Variants in INF2 observed in about 807,000 individuals in gnomAD.
INF2 encodes inverted formin-2.
Under a neutral mutation model 123.5 loss-of-function variants are expected in INF2, and 43 were observed. The observed-to-expected ratio is 0.35, with a 90% CI of 0.27 to 0.45. The LOEUF (loss-of-function observed/expected upper bound fraction) is 0.45, where lower values mean the gene tolerates loss of function less well. Among genes scored for constraint, INF2 ranks in the 20% least tolerant of loss-of-function variants. The pLI, the probability that INF2 is intolerant of heterozygous loss-of-function variation, is 1.00. For missense variants in INF2, 1,453 were observed against 1,682.7 expected, an observed-to-expected ratio of 0.86 and a Z score of 2.39; for synonymous variants, 851 against 745.0, an observed-to-expected ratio of 1.14 and a Z score of -2.32.
rs370101076 is a variant in INF2, at chr14:104,715,225, G to A, written c.3695-59G>A. 5.5e-5 allele frequency: 85 copies of A among 1,554,062 alleles called. 1 individual carries two copies. Among genetic ancestry groups the A allele is most frequent in the Middle Eastern group, 5.3e-4 (3 of 5,668 alleles). ...CGGGCCCCCCAGCCCCACCCACTCC[G>A]AGTCAGGGTTGCTTCTGTGTGATAA... On this transcript the variant is annotated intron_variant, in intron 21 of 22. Transcript: ENST00000392634.
At chr14:104,710,302 C>T (rs763177311) in intron 13 of INF2, 114 bp downstream of exon 13, 1 of 740,392 alleles carries the variant, frequency 1.4e-6, no homozygotes, top group Non-Finnish European at 2.3e-6. Context: ...CTAAGAGCAC[C>T]TAAGGGTGCC....
chr14:104,710,229 G>T, intron 13 of INF2, 41 bp downstream of exon 13: 1 of 1,440,772 alleles, frequency 6.9e-7, no homozygotes. Context: ...GGAGGGACAG[G>T]CCTCCGAACC....
At chr14:104,701,030 G>A (rs1241138865) in intron 1 of INF2, among the ~76,000 whole-genome samples, 1 of 152,108 alleles carries the variant, frequency 6.6e-6, no homozygotes, top group East Asian at 1.9e-4. Flanking sequence ...ATCCGGTCCC[G>A]TCACTCTGCA....
At position 104,712,999 on chromosome 14, in the gene INF2, C is replaced by T. The variant is rs1346595202; in HGVS notation, c.2775+7C>T. 1.2e-6 allele frequency: 2 copies of T among 1,612,058 alleles called. No homozygotes were observed. Among genetic ancestry groups the T allele is most frequent in the African/African-American group, 2.7e-5 (2 of 74,928 alleles). On this transcript the variant is annotated splice_region_variant and intron_variant, in intron 18 of 22. Transcript: ENST00000392634. ...TTTCCTCCGCGCCCTGAAGGTGGGG[C>T]AGCCCGGCGGGACACAGCCTGTCTG...
intron 22 of INF2, 27 bp from the exon 23 acceptor site, chr14:104,718,768 T>A: frequency 6.2e-7 from 1 of 1,612,358 alleles, no homozygotes; most frequent in Non-Finnish European, 8.5e-7. Context: ...CTGCTCCTAA[T>A]AATGTCATTT....
In INF2 at chr14:104,718,255, C is replaced by T. The variant is rs562934838; in HGVS notation, c.*2-540C>T. Among the ~76,000 whole-genome samples, 52 of 152,308 alleles carry T rather than the reference C, an allele frequency of 3.4e-4. 1 individual carries two copies. The highest frequency in any genetic ancestry group is 1.2e-3 in the African/African-American group (49 of 41,560). ...GGGGTGACACTCAGACAAGGGCCAT[C>T]GAGGGCCCCTGGACCAGAAAGCGAA... On this transcript the variant is annotated intron_variant, in intron 22 of 22. Coordinates refer to ENST00000392634, the MANE Select transcript of INF2 (RefSeq NM_022489.4).
intron 1 of INF2, among the ~76,000 whole-genome samples, chr14:104,682,381 T>A (rs1307692090): frequency 1.3e-5 from 2 of 152,016 alleles, no homozygotes; most frequent in Non-Finnish European, 2.9e-5. Flanking sequence ...TTCCTTTCCA[T>A]GAAAAAAGCA....
In INF2 at chr14:104,719,159, C is replaced by T. The variant is rs908295090; in HGVS notation, c.*366C>T. 45 of 343,198 alleles carry T rather than the reference C, an allele frequency of 1.3e-4. No individual in the cohort carries two copies. The highest frequency in any genetic ancestry group is 1.9e-4 in the Non-Finnish European group (36 of 189,504). The allele number at this position is 343,198 out of a possible 1,614,324, so 21.3% of individuals were successfully genotyped here. ...CCACAGCTCTGCCTGCCCTTCAGCC[C>T]AGCAAGGTTTAATCAAAATGCAATG... On this transcript the variant is annotated 3_prime_UTR_variant, in exon 23 of 23. Coordinates refer to ENST00000392634, the MANE Select transcript of INF2 (RefSeq NM_022489.4).
In INF2 at chr14:104,710,131, G is replaced by T. The variant is rs1889975408; in HGVS notation, c.2182G>T (p.Ala728Ser). The T allele has an allele frequency of 2.6e-6, 4 of 1,553,194 alleles. No homozygotes were observed. The highest frequency in any genetic ancestry group is 3.5e-6 in the Non-Finnish European group (4 of 1,148,994). Reference protein sequence around the residue: ...IECMLLCEGAAAVLDMVRPKA... With the variant: ...IECMLLCEGASAVLDMVRPKA... Reference sequence around the variant, plus strand: ...GTGCATGCTGCTGTGTGAGGGCGCGGCCGCCGTGCTGGACATGGTGCGGCC... The same window carrying T: ...GTGCATGCTGCTGTGTGAGGGCGCGTCCGCCGTGCTGGACATGGTGCGGCC... The change falls in exon 13 of 23, where the codon GCC becomes TCC. Residue 728 changes from alanine to serine, a missense_variant. By Grantham distance (99) the Ala-to-Ser change is moderately conservative. Transcript: ENST00000392634.
chr14:104,701,683 C>T lies in INF2; in HGVS notation c.318C>T (p.Arg106=). ...AGCTCACCTGCGTCAGCTGCGTGCGCGCCGTCATGAACTCGCGGCAGGGCA... is the reference window on the plus strand; with the variant it reads ...AGCTCACCTGCGTCAGCTGCGTGCGTGCCGTCATGAACTCGCGGCAGGGCA... ...LLQLTCVSCV[R]AVMNSRQGIE... is the part of the protein sequence containing the mutation. Residue 106 remains arginine (R), a synonymous_variant, in exon 2 of 23, where the codon CGC becomes CGT. Transcript: ENST00000392634. 6.3e-7 allele frequency: 1 copy of T among 1,577,390 alleles called. No homozygotes were observed. Among genetic ancestry groups the T allele is most frequent in the Non-Finnish European group, 8.6e-7 (1 of 1,162,802 alleles).
At chr14:104,703,611 C>G (rs1889636547) in intron 4 of INF2, among the ~76,000 whole-genome samples, 157 bp downstream of exon 4, 1 of 152,248 alleles carries the variant, frequency 6.6e-6, no homozygotes, top group Admixed American at 6.5e-5. Flanking sequence ...ACCACCTGCC[C>G]CTTCAATGGA....
rs151294838 is a variant in INF2 at position 104,699,817 on chromosome 14, C to G, written c.-9-1540C>G. Among the ~76,000 whole-genome samples the G allele has an allele frequency of 7.9e-5, 12 of 152,294 alleles. 1 individual carries two copies. The highest frequency in any genetic ancestry group is 3.4e-3 in the Middle Eastern group (1 of 294). On this transcript the variant is annotated intron_variant, in intron 1 of 22. Coordinates refer to ENST00000392634, the MANE Select transcript of INF2 (RefSeq NM_022489.4). The surrounding 1 kb of genome is among the most constrained non-coding windows in gnomAD (Gnocchi z 4.7). The stretch of plus-strand genomic sequence containing the variant: ...ACTGAGGCCCAGGCAGGATGAGTGA[C>G]TGGGCCAAGGTCTGCTGGTGAGGGC...
Position 104,712,829 on chromosome 14 carries a change from C to T in INF2, c.2612C>T (p.Ala871Val), listed in dbSNP as rs776656133. The T allele has an allele frequency of 1.9e-6, 3 of 1,608,664 alleles. No individual in the cohort carries two copies. Among genetic ancestry groups the T allele is most frequent in the Non-Finnish European group, 1.7e-6 (2 of 1,177,080 alleles). Residue 871 changes from alanine to valine, a missense_variant and splice_region_variant, in exon 18 of 23, where the codon GCC becomes GTC. By Grantham distance (64) the Ala-to-Val change is moderately conservative. This residue lies in a region of INF2 where 212 missense variants were observed against 266.2 expected (regional missense o/e 0.80). Coordinates refer to ENST00000392634, the MANE Select transcript of INF2 (RefSeq NM_022489.4). ...ACTGTCACGTGCCCTTGCCCCCAGGCCAGCATCTCGGCCTTCCGGGCACTG... is the reference window on the plus strand; with the variant it reads ...ACTGTCACGTGCCCTTGCCCCCAGGTCAGCATCTCGGCCTTCCGGGCACTG... ...VQEQYTERLQ[A>V]SISAFRALDE... is the part of the protein sequence containing the mutation.
At chr14:104,706,704 A>G (rs1368849523) in intron 6 of INF2, among the ~76,000 whole-genome samples, 4 of 152,124 alleles carry the variant, frequency 2.6e-5, no homozygotes, top group African/African-American at 9.7e-5. Context: ...TTGAGTAGGT[A>G]GAGACCAGTG....
At chr14:104,704,256 A>C in intron 5 of INF2, 2 of 1,171,890 alleles carry the variant, frequency 1.7e-6, no homozygotes, top group Non-Finnish European at 2.3e-6. Flanking sequence ...CCAACCCAGA[A>C]ACAGAAAATG....
intron 5 of INF2, 87 bp from the exon 6 acceptor site, chr14:104,705,948 T>G: frequency 6.5e-7 from 1 of 1,527,024 alleles, no homozygotes; most frequent in South Asian, 1.2e-5. Flanking sequence ...TGAGCGGGGC[T>G]GGTACACTGG....
intron 1 of INF2, among the ~76,000 whole-genome samples, chr14:104,695,320 A>C (rs1293171883): frequency 1.3e-5 from 2 of 151,664 alleles, no homozygotes; most frequent in African/African-American, 4.8e-5. Flanking sequence ...TCGTCCCCCC[A>C]TGCCTCTCCC....
intron 5 of INF2, 122 bp from the exon 6 acceptor site, chr14:104,705,913 G>T: frequency 8.0e-7 from 1 of 1,249,494 alleles, no homozygotes; most frequent in East Asian, 2.5e-5. Context: ...GCTGGCTATG[G>T]CCTGGCTCAG....
chr14:104,684,223 AGGAGGCTGG>A lies in INF2; in HGVS notation c.-104+2647_-104+2655del. The A allele has an allele frequency of 2.3e-6, 1 of 443,980 alleles. No individual in the cohort carries two copies. The allele number at this position is 443,980 out of a possible 1,614,324, so 27.5% of individuals were successfully genotyped here. A position where few individuals can be genotyped will look rare whatever the true frequency, so the allele number is the denominator to read the frequency against. On this transcript the variant is annotated intron_variant, in intron 1 of 2. Coordinates refer to the INF2 transcript ENST00000674723. This position sits in a 1 kb window ranked among gnomAD's most constrained non-coding sequence, Gnocchi z 5.0. ...CACCAGACAACTGAGGCAACCGAGA[AGGAGGCTGG>A]GGAGGGACAGCTCGAGGGCTCACTG...
Sources: gnomAD v4.1 joint callset for allele counts (sites outside exome capture counted in the v4.1 genomes callset) on GRCh38, gnomAD v4.1.1 for gene constraint, gnomAD v4.1.1 regional missense constraint, Gnocchi (gnomAD v3.1) non-coding constraint, MANE v1.5 for transcripts, NCBI Gene and HGNC (gene_info 2026-07-23, HGNC 2026-07-21) for gene names.